Variants in PRP4K observed in about 807,000 individuals in gnomAD.
PRP4K encodes the protein pre-mRNA processing factor kinase PRP4K.
the PRP4K span, chr6:4,037,707 GCA>G: frequency 1.4e-6 from 1 of 724,848 alleles, no homozygotes; most frequent in Non-Finnish European, 2.1e-6. Context: ...CCTTTTACCA[GCA>G]ATCTCTACAC....
the PRP4K span, among the ~76,000 whole-genome samples, chr6:4,040,119 C>T: frequency 1.3e-5 from 2 of 151,786 alleles, no homozygotes; most frequent in Non-Finnish European, 2.9e-5. Flanking sequence ...CTCCCGAGCT[C>T]CCTGCCTGCC....
chr6:4,044,274 A>G, the PRP4K span: 2 of 400,058 alleles, frequency 5.0e-6, no homozygotes, highest in Non-Finnish European at 8.9e-6. Flanking sequence ...TTTGCTTGCT[A>G]TTTTAAAGCA....
At chr6:4,038,261 G>C in the PRP4K span, among the ~76,000 whole-genome samples, 1 of 151,996 alleles carries the variant, frequency 6.6e-6, no homozygotes, top group African/African-American at 2.4e-5. Flanking sequence ...CATGGTCTGA[G>C]TGCACTCTGG....
chr6:4,023,331 A>G, the PRP4K span, among the ~76,000 whole-genome samples: 4 of 152,186 alleles, frequency 2.6e-5, no homozygotes, highest in Admixed American at 2.6e-4. Context: ...TAACAACCCT[A>G]TGGAGGTAGA....
At chr6:4,035,284 A>ATTTTTTTTTTTTTTTTTTTTTTTT in the PRP4K span, among the ~76,000 whole-genome samples, 17 of 58,802 alleles carry the variant, frequency 2.9e-4, 2 homozygotes, top group Non-Finnish European at 3.9e-4. Flanking sequence ...CGCCCGGCTA[A>ATTTTTTTTTTTTTTTTTTTTTTTT]TTTTTTTTTT....
chr6:4,031,878 G>C, the PRP4K span: 3 of 1,614,084 alleles, frequency 1.9e-6, no homozygotes, highest in Non-Finnish European at 2.5e-6. Context: ...GGCCGAACTT[G>C]ATAATGAGTT....
At chr6:4,035,631 C>G in the PRP4K span, among the ~76,000 whole-genome samples, 3 of 152,106 alleles carry the variant, frequency 2.0e-5, no homozygotes, top group African/African-American at 7.2e-5. Flanking sequence ...GTTCTGTATA[C>G]CGTGCTGAAA....
chr6:4,027,607 G>GGGTGGGGGT, the PRP4K span, among the ~76,000 whole-genome samples: 1 of 94,630 alleles, frequency 1.1e-5, no homozygotes, highest in South Asian at 4.3e-4. Context: ...GGGTGGGGGG[G>GGGTGGGGGT]TGGGGTGGGG....
At chr6:4,032,563 G>C in the PRP4K span, 4 of 1,613,576 alleles carry the variant, frequency 2.5e-6, no homozygotes, top group African/African-American at 1.3e-5. Flanking sequence ...CCTGGTCGTA[G>C]TCCTAAAAGA....
At chr6:4,063,175 A>G in the PRP4K span, 2 of 152,046 alleles carry the variant, frequency 1.3e-5, no homozygotes, top group Non-Finnish European at 2.9e-5. Context: ...TTTTTTGTCT[A>G]ATTTTTTAGT....
chr6:4,051,954 TAGG>T, the PRP4K span: 2 of 1,530,420 alleles, frequency 1.3e-6, no homozygotes, highest in African/African-American at 1.4e-5. Context: ...TTTTTTATTT[TAGG>T]CAAAAGACTG....
chr6:4,027,952 A>G, the PRP4K span, among the ~76,000 whole-genome samples: 1 of 152,140 alleles, frequency 6.6e-6, no homozygotes, highest in East Asian at 1.9e-4. Flanking sequence ...ATCATTCTCA[A>G]TCTTTAAAGA....
chr6:4,022,487 T>A, the PRP4K span, among the ~76,000 whole-genome samples: 1 of 151,366 alleles, frequency 6.6e-6, no homozygotes, highest in African/African-American at 2.4e-5. Flanking sequence ...TGTTTTTTTT[T>A]GCATCTGCAC....
the PRP4K span, among the ~76,000 whole-genome samples, chr6:4,053,497 T>C: frequency 6.6e-6 from 1 of 152,194 alleles, no homozygotes; most frequent in African/African-American, 2.4e-5. Flanking sequence ...TTCCCCTGTG[T>C]GTCCATGTGT....
At chr6:4,042,715 T>C in the PRP4K span, 1 of 580,990 alleles carries the variant, frequency 1.7e-6, no homozygotes, top group Non-Finnish European at 2.9e-6. Context: ...AAAAATGATC[T>C]TTTTTTAGTT....
chr6:4,049,517 C>T, the PRP4K span: 1 of 534,332 alleles, frequency 1.9e-6, no homozygotes, highest in East Asian at 3.0e-5. Context: ...GTTGATAGGA[C>T]AACAGGAACT....
chr6:4,034,470 T>C, the PRP4K span, among the ~76,000 whole-genome samples: 81 of 152,278 alleles, frequency 5.3e-4, no homozygotes, highest in African/African-American at 1.9e-3. Flanking sequence ...AGAAAGTTAT[T>C]GCTAAATTTC....
chr6:4,030,567 A>G, the PRP4K span, among the ~76,000 whole-genome samples: 2 of 152,244 alleles, frequency 1.3e-5, no homozygotes, highest in Non-Finnish European at 2.9e-5. Context: ...TTAAACACCA[A>G]GGGCTCGACA....
the PRP4K span, among the ~76,000 whole-genome samples, chr6:4,030,107 T>C: frequency 6.6e-6 from 1 of 152,140 alleles, no homozygotes; most frequent in Admixed American, 6.5e-5. Context: ...TACATCTGGC[T>C]AATTTTTGTA....
Sources: gnomAD v4.1 joint callset for allele counts (sites outside exome capture counted in the v4.1 genomes callset) on GRCh38, gnomAD v4.1.1 for gene constraint, MANE v1.5 for transcripts, NCBI Gene and HGNC (gene_info 2026-07-23, HGNC 2026-07-21) for gene names.